HSFX3: variants seen among roughly 807,000 people sequenced by gnomAD.
The protein encoded by HSFX3 is heat shock transcription factor family, X-linked member 3, also known as heat shock transcription factor, X-linked member 3.
For missense variants in HSFX3, 51 were observed against 175.4 expected, an observed-to-expected ratio of 0.29 and a Z score of 4.01; for synonymous variants, 24 against 67.8, an observed-to-expected ratio of 0.35 and a Z score of 3.17.
Position 149,548,415 on chromosome X carries a change from G to A in HSFX3, c.979C>T (p.Pro327Ser). Residue 327 changes from proline to serine, a missense_variant, in exon 2 of 2, where the codon CCC becomes TCC. Physicochemically the swap from Pro to Ser is moderately conservative, Grantham distance 74. Coordinates refer to ENST00000431993, the MANE Select transcript of HSFX3 (RefSeq NM_001323079.3). ...ASLSVMSPNE[P>S]SDDEEE ...TCCTACTCCTCCTCATCGTCAGAGG[G>A]CTCATTTGGAGACATGACTGAGAGG... is the stretch of plus-strand genomic sequence containing the variant. 1 of 933,747 alleles carries A rather than the reference G, an allele frequency of 1.1e-6. No individual in the cohort carries two copies. Among genetic ancestry groups the A allele is most frequent in the Non-Finnish European group, 1.3e-6 (1 of 752,562 alleles). 77.0% of individuals were successfully genotyped at this position (933,747 alleles called of 1,213,427 possible).
rs1370796339 is a variant in HSFX3 at position 149,548,623 on chromosome X, CA to C, written c.770del (p.Leu257ArgfsTer48). ...WSKKSATRHP[L>X]GNGPPQEPNG... ...TTGGTTCCTGAGGGGGCCCATTTCC[CA>C]GGGGATGCCTAGTGGCACTCTTCTT... On this transcript the variant is annotated frameshift_variant, in exon 2 of 2. Coordinates refer to ENST00000431993, the MANE Select transcript of HSFX3 (RefSeq NM_001323079.3). LOFTEE classifies it low-confidence loss of function (END_TRUNC). The C allele has an allele frequency of 1.2e-6, 1 of 832,607 alleles. No individual in the cohort carries two copies. Among genetic ancestry groups the C allele is most frequent in the Admixed American group, 6.8e-5 (1 of 14,625 alleles). 68.6% of individuals were successfully genotyped at this position (832,607 alleles called of 1,213,427 possible).
Position 149,548,228 on chromosome X carries a change from A to G in HSFX3, c.*164T>C. On this transcript the variant is annotated 3_prime_UTR_variant, in exon 2 of 2. Coordinates refer to ENST00000431993, the MANE Select transcript of HSFX3 (RefSeq NM_001323079.3). ...ACAACAGTTCTCATTTAAATTGTTT[A>G]TTATTTATTTCCATGGAATTTTGTT... 1 of 374,461 alleles carries G rather than the reference A, an allele frequency of 2.7e-6. No individual in the cohort carries two copies. The highest frequency in any genetic ancestry group is 4.1e-6 in the Non-Finnish European group (1 of 243,182). The allele number at this position is 374,461 out of a possible 1,213,427, so 30.9% of individuals were successfully genotyped here.
rs1223112343 is a variant in HSFX3, at chrX:149,548,247, T to G, written c.*145A>C. The G allele has an allele frequency of 2.2e-6, 1 of 456,808 alleles. No individual in the cohort carries two copies. The highest frequency in any genetic ancestry group is 3.1e-6 in the Non-Finnish European group (1 of 319,113). The allele number at this position is 456,808 out of a possible 1,213,427, so 37.6% of individuals were successfully genotyped here. A position where few individuals can be genotyped will look rare whatever the true frequency, so the allele number is the denominator to read the frequency against. ...TTGTTTATTATTTATTTCCATGGAA[T>G]TTTGTTTTTCTTTATTAAGACCAAA... On this transcript the variant is annotated 3_prime_UTR_variant, in exon 2 of 2. Transcript: ENST00000431993.
At position 149,549,663 on chromosome X, in the gene HSFX3, CT is replaced by C. The variant is rs2089899068; in HGVS notation, c.189del (p.Asp64ThrfsTer36). ...ACGTTGACCACGCGTTGGTTTCGGT[CT>C]TCTGGTGGTGAGTTATCTTGGGAGC... ...DPGSQDNSPPEDRNQRVVNVE... is the reference protein window; with the variant it reads ...DPGSQDNSPPXDRNQRVVNVE... On this transcript the variant is annotated frameshift_variant, in exon 1 of 2. Coordinates refer to ENST00000431993, the MANE Select transcript of HSFX3 (RefSeq NM_001323079.3). LOFTEE classifies it high-confidence loss of function. 1.3e-6 allele frequency: 1 copy of C among 784,369 alleles called. No homozygotes were observed. Among genetic ancestry groups the C allele is most frequent in the African/African-American group, 2.5e-5 (1 of 39,217 alleles). The allele number at this position is 784,369 out of a possible 1,213,427, so 64.6% of individuals were successfully genotyped here. A position where few individuals can be genotyped will look rare whatever the true frequency, so the allele number is the denominator to read the frequency against.
Position 149,548,304 on chromosome X carries a change from T to A in HSFX3, c.*88A>T. 1.1e-6 allele frequency: 1 copy of A among 917,382 alleles called. No homozygotes were observed. The highest frequency in any genetic ancestry group is 1.4e-6 in the Non-Finnish European group (1 of 737,910). 75.6% of individuals were successfully genotyped at this position (917,382 alleles called of 1,213,427 possible). ...TTTCTCATTAAAAAATGGCAACTTTTATGGGCCATTAGTGGCCTGTGACTT... is the reference window on the plus strand; with the variant it reads ...TTTCTCATTAAAAAATGGCAACTTTAATGGGCCATTAGTGGCCTGTGACTT... On this transcript the variant is annotated 3_prime_UTR_variant, in exon 2 of 2. Coordinates refer to ENST00000431993, the MANE Select transcript of HSFX3 (RefSeq NM_001323079.3).
chrX:149,548,328 T>G lies in HSFX3; in HGVS notation c.*64A>C. On this transcript the variant is annotated 3_prime_UTR_variant, in exon 2 of 2. Coordinates refer to ENST00000431993, the MANE Select transcript of HSFX3 (RefSeq NM_001323079.3). ...TTATGGGCCATTAGTGGCCTGTGAC[T>G]TCACGAATTTGCAGTGTTTCTGAAC... 1 of 931,778 alleles carries G rather than the reference T, an allele frequency of 1.1e-6. No individual in the cohort carries two copies. Among genetic ancestry groups the G allele is most frequent in the Non-Finnish European group, 1.3e-6 (1 of 750,792 alleles). 76.8% of individuals were successfully genotyped at this position (931,778 alleles called of 1,213,427 possible). A position where few individuals can be genotyped will look rare whatever the true frequency, so the allele number is the denominator to read the frequency against.
At position 149,548,490 on chromosome X, in the gene HSFX3, C is replaced by T. The variant is rs1259534289; in HGVS notation, c.904G>A (p.Gly302Ser). Residue 302 changes from glycine (G) to serine (S), a missense_variant, in exon 2 of 2, where the codon GGT becomes AGT. Gly to Ser is a moderately conservative substitution (Grantham distance 56, BLOSUM62 0). Transcript: ENST00000431993. ...ILSSLVYSDN[G>S]SVMSLYNICY... The stretch of plus-strand genomic sequence containing the variant: ...ATATTGTACAAAGACATTACACTAC[C>T]ATTATCTGAGTAAACCAGACTACTA... 1 of 931,699 alleles carries T rather than the reference C, an allele frequency of 1.1e-6. No homozygotes were observed. Among genetic ancestry groups the T allele is most frequent in the Non-Finnish European group, 1.3e-6 (1 of 751,956 alleles). 76.8% of individuals were successfully genotyped at this position (931,699 alleles called of 1,213,427 possible).
rs1188625215 is a variant in HSFX3 at position 149,548,470 on chromosome X, G to A, written c.924C>T (p.Tyr308=). The stretch of plus-strand genomic sequence containing the variant: ...CCAACAGAGCATAGTAACAGATATT[G>A]TACAAAGACATTACACTACCATTAT... ...YSDNGSVMSL[Y]NICYYALLAS... Residue 308 remains tyrosine (Y), a synonymous_variant, in exon 2 of 2, where the codon TAC becomes TAT. Transcript: ENST00000431993. The A allele has an allele frequency of 8.7e-5, 81 of 930,630 alleles. 1 individual carries two copies. The East Asian group carries it at 2.4e-3, about 27-fold the overall frequency. The allele number at this position is 930,630 out of a possible 1,213,427, so 76.7% of individuals were successfully genotyped here.
chrX:149,548,339 G>A lies in HSFX3; in HGVS notation c.*53C>T. 1.1e-6 allele frequency: 1 copy of A among 931,883 alleles called. No homozygotes were observed. Among genetic ancestry groups the A allele is most frequent in the Non-Finnish European group, 1.3e-6 (1 of 751,236 alleles). 76.8% of individuals were successfully genotyped at this position (931,883 alleles called of 1,213,427 possible). On this transcript the variant is annotated 3_prime_UTR_variant, in exon 2 of 2. Coordinates refer to ENST00000431993, the MANE Select transcript of HSFX3 (RefSeq NM_001323079.3). ...TAGTGGCCTGTGACTTCACGAATTT[G>A]CAGTGTTTCTGAACTGTTCACAGAG...
chrX:149,548,612 G>A lies in HSFX3; in HGVS notation c.782C>T (p.Pro261Leu). Residue 261 changes from proline (P) to leucine (L), a missense_variant, in exon 2 of 2, where the codon CCC (proline) becomes CTC (leucine). Transcript: ENST00000431993. Reference sequence around the variant, plus strand: ...ACTTGGGCCATTTGGTTCCTGAGGGGGCCCATTTCCCAGGGGATGCCTAGT... The same window carrying A: ...ACTTGGGCCATTTGGTTCCTGAGGGAGCCCATTTCCCAGGGGATGCCTAGT... ...SATRHPLGNG[P>L]PQEPNGPSWE... The A allele has an allele frequency of 8.2e-6, 7 of 852,367 alleles. No individual in the cohort carries two copies. The highest frequency in any genetic ancestry group is 8.7e-6 in the Non-Finnish European group (6 of 690,437). 70.2% of individuals were successfully genotyped at this position (852,367 alleles called of 1,213,427 possible). A position where few individuals can be genotyped will look rare whatever the true frequency, so the allele number is the denominator to read the frequency against.
Position 149,548,680 on chromosome X carries a change from G to A in HSFX3, c.714C>T (p.Thr238=). Residue 238 remains threonine (T), a synonymous_variant, in exon 2 of 2, where the codon ACC becomes ACT. Transcript: ENST00000431993. ...GAPSVQGPSG[T]QSFRRSGMWS... is the part of the protein sequence containing the mutation. ...ACATGCCAGAGCGCCTGAAGGACTG[G>A]GTGCCACTGGGCCCCTGAACACTGG... is the stretch of plus-strand genomic sequence containing the variant. The A allele has an allele frequency of 1.5e-6, 1 of 653,752 alleles. No individual in the cohort carries two copies. Among genetic ancestry groups the A allele is most frequent in the Non-Finnish European group, 2.0e-6 (1 of 512,756 alleles). The allele number at this position is 653,752 out of a possible 1,213,427, so 53.9% of individuals were successfully genotyped here.
Position 149,549,581 on chromosome X carries a change from A to G in HSFX3, c.272T>C (p.Val91Ala). The G allele has an allele frequency of 2.0e-6, 2 of 1,013,098 alleles. No individual in the cohort carries two copies. Among genetic ancestry groups the G allele is most frequent in the Admixed American group, 5.0e-5 (1 of 19,961 alleles). 83.5% of individuals were successfully genotyped at this position (1,013,098 alleles called of 1,213,427 possible). A position where few individuals can be genotyped will look rare whatever the true frequency, so the allele number is the denominator to read the frequency against. ...CACAGACTTGAATGTGTCTTCCTCC[A>G]CAATCGTCCAAAGCTTTCTTGGGAA... ...LSFPRKLWTI[V>A]EEDTFKSVSW... Residue 91 changes from valine (V) to alanine (A), a missense_variant, in exon 1 of 2, where the codon GTG becomes GCG. Physicochemically the swap from Val to Ala is moderately conservative, Grantham distance 64. Coordinates refer to ENST00000431993, the MANE Select transcript of HSFX3 (RefSeq NM_001323079.3).
chrX:149,549,184 T>C lies in HSFX3; in HGVS notation c.483+186A>G, dbSNP rs195224. On this transcript the variant is annotated intron_variant, in intron 1 of 1. Transcript: ENST00000431993. Reference sequence around the variant, plus strand: ...GCTTACATTATCTCTAAGGGGGTTGTAGTTTAATATCAAAATCCATACTTT... The same window carrying C: ...GCTTACATTATCTCTAAGGGGGTTGCAGTTTAATATCAAAATCCATACTTT... Among the ~76,000 whole-genome samples the C allele has an allele frequency of 5.3e-3, 585 of 110,916 alleles. 9 individuals carry two copies. The highest frequency in any genetic ancestry group is 0.019 in the African/African-American group (554 of 29,489).
rs1458179045 is a variant in HSFX3, at chrX:149,548,341, AGT to A, written c.*49_*50del. ...GTGGCCTGTGACTTCACGAATTTGC[AGT>A]GTTTCTGAACTGTTCACAGAGTCTA... On this transcript the variant is annotated 3_prime_UTR_variant, in exon 2 of 2. Coordinates refer to ENST00000431993, the MANE Select transcript of HSFX3 (RefSeq NM_001323079.3). 1 of 931,355 alleles carries A rather than the reference AGT, an allele frequency of 1.1e-6. No homozygotes were observed. Among genetic ancestry groups the A allele is most frequent in the Non-Finnish European group, 1.3e-6 (1 of 751,684 alleles). The allele number at this position is 931,355 out of a possible 1,213,427, so 76.8% of individuals were successfully genotyped here.
In HSFX3 at chrX:149,548,412, A is replaced by C. The variant is rs2089887626; in HGVS notation, c.982T>G (p.Ser328Ala). The change falls in exon 2 of 2, where the codon TCT becomes GCT. Residue 328 changes from serine to alanine, a missense_variant. By Grantham distance (99) the Ser-to-Ala change is moderately conservative. Transcript: ENST00000431993. Reference protein sequence around the residue: ...SLSVMSPNEPSDDEEE With the variant: ...SLSVMSPNEPADDEEE ...CCTTCCTACTCCTCCTCATCGTCAG[A>C]GGGCTCATTTGGAGACATGACTGAG... 1 of 932,293 alleles carries C rather than the reference A, an allele frequency of 1.1e-6. No homozygotes were observed. The highest frequency in any genetic ancestry group is 2.1e-5 in the African/African-American group (1 of 48,504). The allele number at this position is 932,293 out of a possible 1,213,427, so 76.8% of individuals were successfully genotyped here. A position where few individuals can be genotyped will look rare whatever the true frequency, so the allele number is the denominator to read the frequency against.
chrX:149,549,147 G>A (rs192140063), intron 1 of HSFX3, among the ~76,000 whole-genome samples: 2,442 of 111,407 alleles, frequency 0.022, 94 homozygotes, highest in African/African-American at 0.077. Context: ...ATGCAGGTCT[G>A]CAAAATATGA....
intron 1 of HSFX3, among the ~76,000 whole-genome samples, 187 bp from the exon 2 acceptor site, chrX:149,549,097 C>G (rs1233462705): frequency 3.2e-4 from 36 of 111,533 alleles, no homozygotes; most frequent in Non-Finnish European, 6.0e-4. Context: ...ATATAAACAG[C>G]ATGGATTTTG....
rs1332651214 is a variant in HSFX3 at position 149,548,253 on chromosome X, T to C, written c.*139A>G. On this transcript the variant is annotated 3_prime_UTR_variant, in exon 2 of 2. Coordinates refer to ENST00000431993, the MANE Select transcript of HSFX3 (RefSeq NM_001323079.3). ...ATTATTTATTTCCATGGAATTTTGT[T>C]TTTCTTTATTAAGACCAAAAATGTG... is the stretch of plus-strand genomic sequence containing the variant. 3.5e-6 allele frequency: 2 copies of C among 568,096 alleles called. No homozygotes were observed. Among genetic ancestry groups the C allele is most frequent in the Non-Finnish European group, 4.8e-6 (2 of 420,992 alleles). 46.8% of individuals were successfully genotyped at this position (568,096 alleles called of 1,213,427 possible). A position where few individuals can be genotyped will look rare whatever the true frequency, so the allele number is the denominator to read the frequency against.
In HSFX3 at chrX:149,549,503, C is replaced by T; in HGVS notation, c.350G>A (p.Arg117Lys). The T allele has an allele frequency of 1.8e-6, 2 of 1,130,639 alleles. No homozygotes were observed. Among genetic ancestry groups the T allele is most frequent in the Non-Finnish European group, 2.3e-6 (2 of 856,692 alleles). 93.2% of individuals were successfully genotyped at this position (1,130,639 alleles called of 1,213,427 possible). The change falls in exon 1 of 2, where the codon AGG (arginine) becomes AAG (lysine). Residue 117 changes from arginine (R) to lysine (K), a missense_variant. Arg to Lys is a conservative substitution (Grantham distance 26). Transcript: ENST00000431993. ...TGCACCTTTCCGTTGAAGAACCTCC[C>T]TCTGGAAGAGATCCTTGTCGATGAT... is the stretch of plus-strand genomic sequence containing the variant. The part of the protein sequence containing the change: ...AVIIDKDLFQ[R>K]EVLQRKGAER...
Sources: allele counts gnomAD v4.1 joint callset (sites outside exome capture counted in the v4.1 genomes callset), GRCh38; gene constraint gnomAD v4.1.1; transcripts MANE v1.5; gene names NCBI Gene and HGNC (gene_info 2026-07-23, HGNC 2026-07-21).